Variants in MYOF observed in about 807,000 individuals in gnomAD.
MYOF encodes the protein fer-1-like 3, myoferlin.
A neutral mutation model predicts 284.2 loss-of-function variants in MYOF; 244 were observed. The observed-to-expected ratio is 0.86, with a 90% CI of 0.77 to 0.95. MYOF has a LOEUF of 0.95. MYOF is among the 40% of genes least tolerant of loss of function. The pLI, the probability that MYOF is intolerant of heterozygous loss-of-function variation, is 0.00. For synonymous variants in MYOF, 904 were observed against 919.7 expected, an observed-to-expected ratio of 0.98 and a Z score of 0.31; for missense variants, 2,496 against 2,560.6, an observed-to-expected ratio of 0.97 and a Z score of 0.54.
At position 93,397,408 on chromosome 10, in the gene MYOF, C is replaced by T. The variant is rs1589502091; in HGVS notation, c.1270G>A (p.Val424Ile). ...EKNANPEWNQ[V>I]VNLQIKFPSV... ...CAAACCTTGATCTGAAGATTGACGA[C>T]CTGATTCCACTCTGGGTTTGCATTT... Residue 424 changes from valine to isoleucine, a missense_variant, in exon 14 of 54, where the codon GTC (valine) becomes ATC (isoleucine). Physicochemically the swap from Val to Ile is conservative, Grantham distance 29 (BLOSUM62 3). Coordinates refer to ENST00000359263, the MANE Select transcript of MYOF (RefSeq NM_013451.4). 1.2e-6 allele frequency: 2 copies of T among 1,611,640 alleles called. No individual in the cohort carries two copies. Among genetic ancestry groups the T allele is most frequent in the Non-Finnish European group, 1.7e-6 (2 of 1,179,462 alleles).
At position 93,467,789 on chromosome 10, in the gene MYOF, C is replaced by A. The variant is rs189701689; in HGVS notation, c.89-10852G>T. 4.5e-3 allele frequency among the ~76,000 whole-genome samples: 682 copies of A among 152,256 alleles called. 2 individuals are homozygous for A. The highest frequency in any genetic ancestry group is 0.015 in the African/African-American group (639 of 41,540). ...CACATATATGCCATGGAATACTATG[C>A]AGCCATAAAAAATGATGAGTTCATG... On this transcript the variant is annotated intron_variant, in intron 1 of 53. Coordinates refer to ENST00000359263, the MANE Select transcript of MYOF (RefSeq NM_013451.4).
In MYOF at chr10:93,395,474, T is replaced by A. The variant is rs140535363; in HGVS notation, c.1417+668A>T. 1.6e-4 allele frequency among the ~76,000 whole-genome samples: 24 copies of A among 152,280 alleles called. No individual in the cohort carries two copies. The East Asian group carries it at 4.1e-3, about 26-fold the overall frequency. On this transcript the variant is annotated intron_variant, in intron 16 of 53. Transcript: ENST00000359263. ...TAAATAAGCTGCTGGTATTACTGTG[T>A]TAACATTAATTTTTTCTCTTATCAT...
At chr10:93,480,976 T>C (rs1246844430) in intron 1 of MYOF, among the ~76,000 whole-genome samples, 1 of 152,138 alleles carries the variant, frequency 6.6e-6, no homozygotes, top group Non-Finnish European at 1.5e-5. Context: ...TGTCTATCCA[T>C]GCTCCCACTC....
intron 41 of MYOF, among the ~76,000 whole-genome samples, chr10:93,335,508 T>C (rs1233818298): frequency 6.6e-6 from 1 of 152,190 alleles, no homozygotes; most frequent in African/African-American, 2.4e-5. Context: ...ATGATCCTGC[T>C]GAAAGCATGG....
chr10:93,447,264 G>A (rs2056456903), intron 3 of MYOF, among the ~76,000 whole-genome samples: 1 of 152,178 alleles, frequency 6.6e-6, no homozygotes, highest in Non-Finnish European at 1.5e-5. Flanking sequence ...GAAAGAGCCA[G>A]ACAGACTCCA....
chr10:93,470,098 G>A (rs2057105380), intron 1 of MYOF, among the ~76,000 whole-genome samples: 1 of 151,640 alleles, frequency 6.6e-6, no homozygotes, highest in South Asian at 2.1e-4. Context: ...GCATGATGGT[G>A]CGCACCTGAA....
At position 93,342,630 on chromosome 10, in the gene MYOF, C is replaced by T. The variant is rs573582913; in HGVS notation, c.4326+1226G>A. Among the ~76,000 whole-genome samples the T allele has an allele frequency of 2.0e-5, 3 of 152,322 alleles. No homozygotes were observed. The East Asian group carries it at 5.8e-4, about 29-fold the overall frequency. On this transcript the variant is annotated intron_variant, in intron 38 of 53. Coordinates refer to ENST00000359263, the MANE Select transcript of MYOF (RefSeq NM_013451.4). ...TATGGTTAAGAAGTGAACGAAAATACTGGCATAGCTTGTTGACTTTATTCT... is the reference window on the plus strand; with the variant it reads ...TATGGTTAAGAAGTGAACGAAAATATTGGCATAGCTTGTTGACTTTATTCT...
chr10:93,359,456 C>A (rs1251411908), intron 29 of MYOF, among the ~76,000 whole-genome samples: 1 of 152,200 alleles, frequency 6.6e-6, no homozygotes, highest in Non-Finnish European at 1.5e-5. Flanking sequence ...GGGTTTGAAT[C>A]TTTACACATC....
chr10:93,315,914 G>T (rs1842592946), intron 50 of MYOF, among the ~76,000 whole-genome samples: 3 of 151,570 alleles, frequency 2.0e-5, no homozygotes, highest in Non-Finnish European at 4.4e-5. Flanking sequence ...TGAGCTCAGG[G>T]GTTCAAGGCC....
chr10:93,362,164 G>T (rs1236690234), intron 27 of MYOF, among the ~76,000 whole-genome samples: 1 of 152,094 alleles, frequency 6.6e-6, no homozygotes, highest in Non-Finnish European at 1.5e-5. Context: ...TAGCCAGGCT[G>T]GTCTCAAACT....
At chr10:93,477,135 A>G (rs1167512966) in intron 1 of MYOF, among the ~76,000 whole-genome samples, 1 of 152,250 alleles carries the variant, frequency 6.6e-6, no homozygotes, top group Non-Finnish European at 1.5e-5. Context: ...TGGACACAGA[A>G]GCAAGGGATA....
rs17108508 is a variant in MYOF, at chr10:93,344,049, G to A, written c.4250-117C>T. ...GGATGGTAGAGTTTATTCTTGGATG[G>A]GACTTACAGAATAGAGAGGACAACT... On this transcript the variant is annotated intron_variant, in intron 37 of 53. Coordinates refer to ENST00000359263, the MANE Select transcript of MYOF (RefSeq NM_013451.4). The A allele has an allele frequency of 8.3e-3, 8,553 of 1,035,752 alleles. 515 individuals are homozygous for A. The African/African-American group carries it at 0.12, about 15-fold the overall frequency. The allele number at this position is 1,035,752 out of a possible 1,614,324, so 64.2% of individuals were successfully genotyped here. A position where few individuals can be genotyped will look rare whatever the true frequency, so the allele number is the denominator to read the frequency against.
At chr10:93,426,617 G>A (rs1435506747) in intron 4 of MYOF, among the ~76,000 whole-genome samples, 4 of 152,144 alleles carry the variant, frequency 2.6e-5, no homozygotes, top group African/African-American at 9.7e-5. Context: ...GGCTGGGCAC[G>A]GTGGCTCATG....
At chr10:93,454,783 G>A (rs2056692964) in intron 2 of MYOF, among the ~76,000 whole-genome samples, 1 of 152,124 alleles carries the variant, frequency 6.6e-6, no homozygotes, top group South Asian at 2.1e-4. Context: ...CTCAAGACCA[G>A]CCTGGGCAAC....
At chr10:93,335,598 G>A (rs893284684) in intron 41 of MYOF, among the ~76,000 whole-genome samples, 11 of 135,576 alleles carry the variant, frequency 8.1e-5, no homozygotes, top group Non-Finnish European at 8.4e-5. Context: ...GCGTGAGCAG[G>A]GAGGCAGGAA....
chr10:93,360,016 G>T, intron 28 of MYOF, 38 bp from the exon 29 acceptor site: 1 of 1,612,106 alleles, frequency 6.2e-7, no homozygotes, highest in Non-Finnish European at 8.5e-7. Context: ...CAGAAGAGAT[G>T]CATTTGCCAG....
At chr10:93,382,227 AATTT>A (rs1348689202) in intron 19 of MYOF, among the ~76,000 whole-genome samples, 1 of 151,842 alleles carries the variant, frequency 6.6e-6, no homozygotes, top group African/African-American at 2.4e-5. Flanking sequence ...ATGAAGCATT[AATTT>A]TTTTTTCTCT....
In MYOF at chr10:93,333,928, C is replaced by T. The variant is rs200332448; in HGVS notation, c.4564-15G>A. 22 of 1,611,844 alleles carry T rather than the reference C, an allele frequency of 1.4e-5. No individual in the cohort carries two copies. In the Admixed American group the frequency reaches 3.2e-4, roughly 23 times the overall value. On this transcript the variant is annotated splice_polypyrimidine_tract_variant and intron_variant, in intron 41 of 53. Transcript: ENST00000359263. The stretch of plus-strand genomic sequence containing the variant: ...CGAAAGGAGCCCTAAAAGAGAGAGA[C>T]AGAAGGACTCACAGGGCCCTGGGTG...
At position 93,341,271 on chromosome 10, in the gene MYOF, T is replaced by G. The variant is rs112144978; in HGVS notation, c.4327-1107A>C. On this transcript the variant is annotated intron_variant, in intron 38 of 53. Coordinates refer to ENST00000359263, the MANE Select transcript of MYOF (RefSeq NM_013451.4). Reference sequence around the variant, plus strand: ...TTTCAAGGAAAATAATAGTTCATGATTTAAAAGGCTTTTTTTTTTTTCAGA... The same window carrying G: ...TTTCAAGGAAAATAATAGTTCATGAGTTAAAAGGCTTTTTTTTTTTTCAGA... Among the ~76,000 whole-genome samples the G allele has an allele frequency of 9.4e-3, 1,360 of 145,402 alleles. 22 individuals carry two copies. The highest frequency in any genetic ancestry group is 0.03 in the African/African-American group (1,213 of 40,770).
Sources: gnomAD v4.1 joint callset for allele counts (sites outside exome capture counted in the v4.1 genomes callset) on GRCh38, gnomAD v4.1.1 for gene constraint, MANE v1.5 for transcripts, NCBI Gene and HGNC (gene_info 2026-07-23, HGNC 2026-07-21) for gene names.